P3H2: variants seen among roughly 807,000 people sequenced by gnomAD.
P3H2 encodes the protein prolyl 3-hydroxylase 2.
Under a neutral mutation model 87.0 loss-of-function variants are expected in P3H2, and 80 were observed. That is an observed-to-expected ratio of 0.92 (90% CI 0.77 to 1.11). The LOEUF (loss-of-function observed/expected upper bound fraction) is 1.11, where lower values mean the gene tolerates loss of function less well. P3H2 is among the 50% of genes least tolerant of loss of function. P3H2 has a pLI of 0.00. For synonymous variants in P3H2, 367 were observed against 359.3 expected, an observed-to-expected ratio of 1.02 and a Z score of -0.24; for missense variants, 1,001 against 923.9, an observed-to-expected ratio of 1.08 and a Z score of -1.08.
chr3:190,045,985 T>C lies in P3H2; in HGVS notation c.481-50543A>G, dbSNP rs1202289039. Among the ~76,000 whole-genome samples, 6 of 151,952 alleles carry C rather than the reference T, an allele frequency of 3.9e-5. No individual in the cohort carries two copies. In the South Asian group the frequency reaches 8.3e-4, roughly 21 times the overall value. On this transcript the variant is annotated intron_variant, in intron 1 of 14. Transcript: ENST00000319332. ...TAAAAATACAAAAATTAGCCAGCCG[T>C]GGTGGCGGGCGCCTGTGGTCCCAGC...
chr3:190,024,377 T>G (rs1725023198), intron 1 of P3H2, among the ~76,000 whole-genome samples: 1 of 151,706 alleles, frequency 6.6e-6, no homozygotes, highest in Non-Finnish European at 1.5e-5. Flanking sequence ...TCTTTACTAT[T>G]AGTAAAAATA....
chr3:190,061,273 T>C lies in P3H2; in HGVS notation c.480+58979A>G, dbSNP rs1726322896. Among the ~76,000 whole-genome samples, 4 of 152,202 alleles carry C rather than the reference T, an allele frequency of 2.6e-5. No individual in the cohort carries two copies. The South Asian group carries it at 8.3e-4, about 31-fold the overall frequency. On this transcript the variant is annotated intron_variant, in intron 1 of 14. Transcript: ENST00000319332. ...GAGCATTTAAATACCGTTCTGTGTT[T>C]GGGAATTAACGCCATAGGAATCCCA...
In P3H2 at chr3:190,007,965, C is replaced by CACACACACACACACATATAT; in HGVS notation, c.481-12524_481-12523insATATATGTGTGTGTGTGTGT. ...GCCTGAGACTCTATTTGTTGACACACATATATATATATATATATATAGTAA... is the reference window on the plus strand; with the variant it reads ...GCCTGAGACTCTATTTGTTGACACACACACACACACACACATATATATATATATATATATATATATAGTAA... On this transcript the variant is annotated intron_variant, in intron 1 of 14. Transcript: ENST00000319332. Among the ~76,000 whole-genome samples the CACACACACACACACATATAT allele has an allele frequency of 1.3e-4, 12 of 94,346 alleles. No individual in the cohort carries two copies. In the East Asian group the frequency reaches 1.9e-3, roughly 15 times the overall value. 61.9% of individuals were successfully genotyped at this position (94,346 alleles called of 152,430 possible).
chr3:189,958,600 A>G (rs954053946), intron 14 of P3H2, among the ~76,000 whole-genome samples: 1 of 151,212 alleles, frequency 6.6e-6, no homozygotes, highest in Admixed American at 6.6e-5. Context: ...ATGCTCAGCG[A>G]CACCCCGTCC....
At chr3:190,024,749 A>G (rs1057152853) in intron 1 of P3H2, among the ~76,000 whole-genome samples, 2 of 152,144 alleles carry the variant, frequency 1.3e-5, no homozygotes, top group Admixed American at 1.3e-4. Flanking sequence ...ATCGTCCCCA[A>G]TATAAAAGAA....
chr3:190,032,937 T>C (rs1725303624), intron 1 of P3H2, among the ~76,000 whole-genome samples: 1 of 152,296 alleles, frequency 6.6e-6, no homozygotes, highest in South Asian at 2.1e-4. Flanking sequence ...CAATATATAA[T>C]AAAATAATTA....
chr3:190,067,138 C>T (rs1726538179), intron 1 of P3H2, among the ~76,000 whole-genome samples: 1 of 151,750 alleles, frequency 6.6e-6, no homozygotes. Context: ...AGCCACCACA[C>T]CCAGCCTTAT....
chr3:190,104,727 C>T (rs909644088), intron 1 of P3H2, among the ~76,000 whole-genome samples: 1 of 152,174 alleles, frequency 6.6e-6, no homozygotes, highest in East Asian at 1.9e-4. Context: ...ATAAATTTAA[C>T]TTAAAACCCC....
intron 1 of P3H2, among the ~76,000 whole-genome samples, chr3:190,007,793 AG>A (rs1724432552): frequency 1.4e-5 from 2 of 139,558 alleles, no homozygotes; most frequent in South Asian, 4.7e-4. Flanking sequence ...ACATTTCTTT[AG>A]GATACAGCGT....
intron 13 of P3H2, among the ~76,000 whole-genome samples, chr3:189,968,651 A>C (rs997607129): frequency 1.3e-5 from 2 of 152,138 alleles, no homozygotes; most frequent in Non-Finnish European, 2.9e-5. Context: ...CTGGTTCTAG[A>C]TCCTTGAGGA....
At chr3:189,973,146 G>T in intron 10 of P3H2, 122 bp from the exon 11 acceptor site, 1 of 824,156 alleles carries the variant, frequency 1.2e-6, no homozygotes, top group Non-Finnish European at 1.9e-6. Flanking sequence ...AATGGGGAAG[G>T]CTACTACATA....
chr3:190,103,388 G>A (rs1419016079), intron 1 of P3H2, among the ~76,000 whole-genome samples: 1 of 152,160 alleles, frequency 6.6e-6, no homozygotes, highest in Admixed American at 6.5e-5. Context: ...GACTTAATCT[G>A]GGACAATGGG....
intron 8 of P3H2, among the ~76,000 whole-genome samples, chr3:189,975,946 T>C (rs987624092): frequency 1.3e-5 from 2 of 152,240 alleles, no homozygotes; most frequent in African/African-American, 4.8e-5. Context: ...TATGCAATCA[T>C]AAAACTATGT....
At chr3:190,114,719 A>G (rs1267868995) in intron 1 of P3H2, among the ~76,000 whole-genome samples, 1 of 152,204 alleles carries the variant, frequency 6.6e-6, no homozygotes, top group Non-Finnish European at 1.5e-5. Context: ...TGGTTTAAGC[A>G]CAAAAAAGTG....
In P3H2 at chr3:190,120,321, G is replaced by A. The variant is rs1462493032; in HGVS notation, c.411C>T (p.Val137=). 2 of 1,604,762 alleles carry A rather than the reference G, an allele frequency of 1.2e-6. No homozygotes were observed. Among genetic ancestry groups the A allele is most frequent in the African/African-American group, 1.3e-5 (1 of 74,858 alleles). ...GGAAGTCGCTGCGCACATCCTCGCT[G>A]ACGCGGTGGCGGGATGCGGGGCCCC... is the stretch of plus-strand genomic sequence containing the variant. ...RLGGPASRHR[V]SEDVRSDFQR... The change falls in exon 1 of 15, where the codon GTC becomes GTT. Residue 137 remains valine (V), a synonymous_variant. Transcript: ENST00000319332.
At chr3:189,981,671 T>C (rs932939968) in intron 8 of P3H2, among the ~76,000 whole-genome samples, 1 of 152,194 alleles carries the variant, frequency 6.6e-6, no homozygotes, top group Non-Finnish European at 1.5e-5. Flanking sequence ...TCTAGTCAGT[T>C]GCTGGACACC....
intron 1 of P3H2, among the ~76,000 whole-genome samples, chr3:190,068,706 G>A (rs182299848): frequency 6.6e-6 from 1 of 152,042 alleles, no homozygotes; most frequent in African/African-American, 2.4e-5. Context: ...CTGAAGTTGC[G>A]ATTTCCTGAG....
At chr3:190,040,454 G>A (rs941359607) in intron 1 of P3H2, among the ~76,000 whole-genome samples, 3 of 152,122 alleles carry the variant, frequency 2.0e-5, no homozygotes, top group Non-Finnish European at 2.9e-5. Context: ...GTCAAGACAC[G>A]AGAACACCAT....
At chr3:190,048,989 G>A (rs1285497699) in intron 1 of P3H2, among the ~76,000 whole-genome samples, 1 of 152,190 alleles carries the variant, frequency 6.6e-6, no homozygotes, top group East Asian at 1.9e-4. Flanking sequence ...TCACAGCTGT[G>A]TTGGAATTTG....
Sources: allele counts gnomAD v4.1 joint callset (sites outside exome capture counted in the v4.1 genomes callset), GRCh38; gene constraint gnomAD v4.1.1; transcripts MANE v1.5; gene names NCBI Gene and HGNC (gene_info 2026-07-23, HGNC 2026-07-21).